The following STK3 variants were observed in gnomAD, a reference collection of about 807,000 sequenced individuals.
STK3 encodes serine/threonine-protein kinase 3.
STK3 carries 41 observed loss-of-function variants against 58.0 expected under a neutral mutation model. That is an observed-to-expected ratio of 0.71 (90% CI 0.55 to 0.92). The LOEUF is 0.92. Ranked by LOEUF, STK3 falls within the 40% of genes least tolerant of loss-of-function variation. STK3 has a pLI of 0.00. For synonymous variants in STK3, 170 were observed against 191.0 expected (o/e 0.89, Z 0.91); for missense variants, 479 against 602.7 (o/e 0.79, Z 2.15).
At chr8:98,536,288 C>T (rs974013522) in intron 9 of STK3, among the ~76,000 whole-genome samples, 7 of 151,998 alleles carry the variant, frequency 4.6e-5, no homozygotes, top group African/African-American at 1.7e-4. Context: ...GCTAATGACA[C>T]ATAAAAATAA....
intron 4 of STK3, among the ~76,000 whole-genome samples, chr8:98,733,987 G>A (rs1445787677): frequency 6.6e-6 from 1 of 152,164 alleles, no homozygotes; most frequent in East Asian, 1.9e-4. Flanking sequence ...AGGCCATGGA[G>A]ACTCACAATC....
intron 6 of STK3, chr8:98,603,170 A>C (rs1180512611): frequency 6.6e-6 from 1 of 152,182 alleles, no homozygotes; most frequent in Admixed American, 6.5e-5. Context: ...TTTGAGCATC[A>C]AAATAATAAT....
chr8:98,696,517 T>G (rs1824950036), intron 6 of STK3, among the ~76,000 whole-genome samples: 1 of 152,046 alleles, frequency 6.6e-6, no homozygotes, highest in Non-Finnish European at 1.5e-5. Flanking sequence ...TCTTATTATT[T>G]TGAGATACGT....
chr8:98,633,339 A>G (rs536007897), intron 6 of STK3, among the ~76,000 whole-genome samples: 2 of 152,306 alleles, frequency 1.3e-5, no homozygotes, highest in Admixed American at 1.3e-4. Context: ...TTTGGCTATT[A>G]ATGGGGAGGA....
intron 4 of STK3, among the ~76,000 whole-genome samples, chr8:98,716,873 T>C (rs927984560): frequency 2.6e-5 from 4 of 152,074 alleles, no homozygotes; most frequent in Non-Finnish European, 4.4e-5. Flanking sequence ...CCCTTGTATA[T>C]ATAATCAAAT....
intron 9 of STK3, among the ~76,000 whole-genome samples, chr8:98,535,328 A>G (rs2131527786): frequency 6.6e-6 from 1 of 152,350 alleles, no homozygotes; most frequent in Admixed American, 6.5e-5. Flanking sequence ...CAAAAACAAT[A>G]GAAACTACAA....
chr8:98,706,402 T>C (rs1049445265), intron 6 of STK3, 65 bp downstream of exon 6: 45 of 1,442,960 alleles, frequency 3.1e-5, no homozygotes, highest in Admixed American at 1.5e-4. Flanking sequence ...TTTACTTACA[T>C]TGACATTACA....
chr8:98,555,231 A>C (rs1211869889), intron 8 of STK3, among the ~76,000 whole-genome samples: 1 of 152,176 alleles, frequency 6.6e-6, no homozygotes, highest in Non-Finnish European at 1.5e-5. Flanking sequence ...ATTATCTACT[A>C]GTAGATATTT....
chr8:98,843,410 T>C (rs1480746341), intron 3 of STK3, among the ~76,000 whole-genome samples: 1 of 152,238 alleles, frequency 6.6e-6, no homozygotes, highest in Non-Finnish European at 1.5e-5. Flanking sequence ...TTGGAGTTTT[T>C]GTTTATTCAC....
rs182931842 is a variant in STK3 at position 98,564,810 on chromosome 8, T to C, written c.948+14854A>G. On this transcript the variant is annotated intron_variant, in intron 8 of 10. Coordinates refer to ENST00000419617, the MANE Select transcript of STK3 (RefSeq NM_006281.4). The stretch of plus-strand genomic sequence containing the variant: ...GGAGACATGATGACTAAATGTAATA[T>C]GGTAACTTGATGGGTCCTAAAACAC... 8.4e-3 allele frequency among the ~76,000 whole-genome samples: 1,285 copies of C among 152,210 alleles called. 10 individuals carry two copies. Among genetic ancestry groups the C allele is most frequent in the African/African-American group, 0.029 (1,210 of 41,548 alleles).
chr8:98,911,890 T>C (rs1035303223), intron 1 of STK3, among the ~76,000 whole-genome samples: 1 of 152,212 alleles, frequency 6.6e-6, no homozygotes, highest in Non-Finnish European at 1.5e-5. Flanking sequence ...GTTTCTATAG[T>C]AGTGCTTTCC....
At chr8:98,729,473 G>A (rs1828021895) in intron 4 of STK3, among the ~76,000 whole-genome samples, 1 of 152,142 alleles carries the variant, frequency 6.6e-6, no homozygotes, top group African/African-American at 2.4e-5. Context: ...CTATGTTATG[G>A]AATGTATACT....
At chr8:98,425,295 C>A (rs190774501) in intron 3 of STK3, among the ~76,000 whole-genome samples, 117 of 151,740 alleles carry the variant, frequency 7.7e-4, no homozygotes, top group African/African-American at 2.7e-3. Flanking sequence ...CAAGGATAAC[C>A]AAGATCAGAT....
In STK3 at chr8:98,707,412, G is replaced by GT; in HGVS notation, c.352-102dup. 2.0e-5 allele frequency: 18 copies of GT among 921,508 alleles called. No individual in the cohort carries two copies. In the East Asian group the frequency reaches 3.4e-4, roughly 17 times the overall value. 57.1% of individuals were successfully genotyped at this position (921,508 alleles called of 1,614,324 possible). ...AGTATGTCTTTCCGTGTGTGTGTGT[G>GT]TGTTTTTTTTTAAGAGACCCCACTC... On this transcript the variant is annotated intron_variant, in intron 4 of 10. Transcript: ENST00000419617.
chr8:98,691,001 T>C (rs1201852541), intron 6 of STK3, among the ~76,000 whole-genome samples: 2 of 152,172 alleles, frequency 1.3e-5, no homozygotes, highest in Non-Finnish European at 2.9e-5. Flanking sequence ...AAGTGGGGGC[T>C]GACTACTGGG....
intron 1 of STK3, among the ~76,000 whole-genome samples, chr8:98,923,853 G>T (rs1215142206): frequency 9.9e-6 from 1 of 101,474 alleles, no homozygotes; most frequent in Non-Finnish European, 2.0e-5. Context: ...GTGTGTGTGT[G>T]TGCGCGCGCG....
At chr8:98,721,109 G>A in intron 4 of STK3, 6 of 985,294 alleles carry the variant, frequency 6.1e-6, no homozygotes, top group Non-Finnish European at 7.2e-6. Context: ...TTCACCCTGA[G>A]TACATTAATG....
chr8:98,773,276 C>A (rs978764433), intron 2 of STK3, among the ~76,000 whole-genome samples: 2 of 152,108 alleles, frequency 1.3e-5, no homozygotes, highest in African/African-American at 4.8e-5. Context: ...TCACTAATAG[C>A]TTTTCTGTCA....
At chr8:98,773,052 T>C (rs1053817335) in intron 2 of STK3, among the ~76,000 whole-genome samples, 1 of 152,108 alleles carries the variant, frequency 6.6e-6, no homozygotes, top group Admixed American at 6.5e-5. Flanking sequence ...GAAAAGCAGG[T>C]CTGCAAGAAT....
Sources: allele counts gnomAD v4.1 joint callset (sites outside exome capture counted in the v4.1 genomes callset), GRCh38; gene constraint gnomAD v4.1.1; transcripts MANE v1.5; gene names NCBI Gene and HGNC (gene_info 2026-07-23, HGNC 2026-07-21).